The following HOMER2 variants were observed in gnomAD, a reference collection of about 807,000 sequenced individuals.
HOMER2 encodes the protein homer protein homolog 2.
Under a neutral mutation model 47.0 loss-of-function variants are expected in HOMER2, and 27 were observed. The observed-to-expected ratio is 0.57, with a 90% confidence interval of 0.42 to 0.79. HOMER2 has a LOEUF of 0.79. HOMER2 is among the 30% of genes least tolerant of loss of function. The pLI is 0.00. For synonymous variants in HOMER2, 161 were observed against 163.8 expected (o/e 0.98, Z 0.13); for missense variants, 443 against 435.0 (o/e 1.02, Z -0.16).
downstream of HOMER2, chr15:82,846,612 G>C (rs2051252229): frequency 6.7e-6 from 1 of 148,530 alleles, no homozygotes; most frequent in African/African-American, 2.4e-5. Context: ...GTGACCCTGG[G>C]CGTGTCACTT....
At chr15:82,847,878 C>T (rs1385806307), downstream of HOMER2, among the ~76,000 whole-genome samples, 1 of 152,178 alleles carries the variant, frequency 6.6e-6, no homozygotes, top group African/African-American at 2.4e-5. Flanking sequence ...CTCTGGTCTC[C>T]TGGTGCAGCC....
chr15:82,910,132 CAAAAAA>C (rs35191408), intron 1 of HOMER2, among the ~76,000 whole-genome samples: 1,898 of 21,964 alleles, frequency 0.086, 38 homozygotes, highest in African/African-American at 0.21. Context: ...GATTCTGTCT[CAAAAAA>C]AAAAAAAAAA....
chr15:82,916,859 T>C (rs1267950596), intron 1 of HOMER2, among the ~76,000 whole-genome samples: 1 of 150,822 alleles, frequency 6.6e-6, no homozygotes, highest in Non-Finnish European at 1.5e-5. Flanking sequence ...TGGAGTGCAA[T>C]GGCGCGATCT....
intron 3 of HOMER2, among the ~76,000 whole-genome samples, chr15:82,868,537 A>ATATATATATATATATATG (rs1408672217): frequency 4.9e-5 from 3 of 60,860 alleles, no homozygotes; most frequent in Non-Finnish European, 1.0e-4. Flanking sequence ...ATATATATAT[A>ATATATATATATATATATG]TATATTTTTT....
chr15:82,921,252 C>T (rs1024694090), intron 1 of HOMER2, among the ~76,000 whole-genome samples: 1 of 152,172 alleles, frequency 6.6e-6, no homozygotes, highest in African/African-American at 2.4e-5. Context: ...CGCACCACTG[C>T]ACTCCAGCCT....
chr15:82,890,379 C>T (rs544854307), intron 2 of HOMER2, among the ~76,000 whole-genome samples: 37 of 152,082 alleles, frequency 2.4e-4, no homozygotes, highest in Non-Finnish European at 4.6e-4. Context: ...GGTGGCTGGG[C>T]ACCATAGAAA....
At chr15:82,945,621 TA>T (rs2054358502) in intron 1 of HOMER2, among the ~76,000 whole-genome samples, 1 of 151,826 alleles carries the variant, frequency 6.6e-6, no homozygotes, top group African/African-American at 2.4e-5. Context: ...AGTTTTTTTA[TA>T]ATTAGAAAAA....
intron 1 of HOMER2, among the ~76,000 whole-genome samples, chr15:82,938,522 C>T (rs1391299495): frequency 1.3e-5 from 2 of 152,150 alleles, no homozygotes; most frequent in Non-Finnish European, 2.9e-5. Flanking sequence ...CTGCCTCCAA[C>T]CTTACTGCCT....
At chr15:82,904,182 T>C (rs1355907572) in intron 1 of HOMER2, among the ~76,000 whole-genome samples, 2 of 151,952 alleles carry the variant, frequency 1.3e-5, no homozygotes, top group East Asian at 3.9e-4. Context: ...TCTTCTCCGC[T>C]CTGTCACAGA....
chr15:82,935,067 G>A (rs1162064971), intron 1 of HOMER2, among the ~76,000 whole-genome samples: 1 of 151,894 alleles, frequency 6.6e-6, no homozygotes, highest in African/African-American at 2.4e-5. Context: ...CTCAAGGCCT[G>A]GGCTCCTCTG....
At position 82,874,420 on chromosome 15, in the gene HOMER2, G is replaced by A. The variant is rs540485261; in HGVS notation, c.294+853C>T. ...AAGGGCTCTTCTACCACCCTAAAAG[G>A]AAATGTAGTCTCTAAAACAGGCTCT... On this transcript the variant is annotated intron_variant, in intron 3 of 8. Transcript: ENST00000450735. Among the ~76,000 whole-genome samples, 3 of 152,284 alleles carry A rather than the reference G, an allele frequency of 2.0e-5. No homozygotes were observed. In the East Asian group the frequency reaches 5.8e-4, roughly 29 times the overall value.
At chr15:82,933,144 A>G (rs2054057587) in intron 1 of HOMER2, among the ~76,000 whole-genome samples, 1 of 151,664 alleles carries the variant, frequency 6.6e-6, no homozygotes, top group Admixed American at 6.6e-5. Context: ...AAAAAAAACT[A>G]TGGACACCCT....
At chr15:82,955,589 A>G (rs1490836918), upstream of HOMER2, among the ~76,000 whole-genome samples, 1 of 152,116 alleles carries the variant, frequency 6.6e-6, no homozygotes, top group Non-Finnish European at 1.5e-5. Flanking sequence ...TTTTCTAACC[A>G]TAAAAGGTCA....
chr15:82,900,924 T>C (rs2053093722), intron 1 of HOMER2, among the ~76,000 whole-genome samples: 1 of 152,228 alleles, frequency 6.6e-6, no homozygotes, highest in African/African-American at 2.4e-5. Context: ...CCTAGTCCTC[T>C]GACTAGGAAT....
In HOMER2 at chr15:82,880,457, C is replaced by A. The variant is rs577908248; in HGVS notation, c.163-5053G>T. On this transcript the variant is annotated intron_variant, in intron 2 of 8. Coordinates refer to ENST00000450735, the MANE Select transcript of HOMER2 (RefSeq NM_004839.4). ...TAGGGAAAGGCCCATTGAAGGACTT[C>A]TGAGGTATTAATGAAAGACGTACTT... 1.1e-4 allele frequency among the ~76,000 whole-genome samples: 17 copies of A among 152,190 alleles called. No homozygotes were observed. In the South Asian group the frequency reaches 3.5e-3, roughly 32 times the overall value.
downstream of HOMER2, chr15:82,836,142 C>T (rs1033429573): frequency 1.3e-5 from 2 of 152,292 alleles, no homozygotes; most frequent in Non-Finnish European, 2.9e-5. Flanking sequence ...TTCCTTTCCT[C>T]CTCTGGAACC....
chr15:82,852,607 T>C (rs1029891747), intron 6 of HOMER2: 2 of 219,166 alleles, frequency 9.1e-6, no homozygotes, highest in Admixed American at 5.5e-5. Context: ...AAGGGCCAAG[T>C]GTCCCCTGAA....
downstream of HOMER2, chr15:82,846,669 C>G (rs1188555023): frequency 6.6e-6 from 1 of 152,162 alleles, no homozygotes; most frequent in Non-Finnish European, 1.5e-5. Context: ...ACAGTCTCTG[C>G]CCTGTTCTCT....
chr15:82,858,731 A>C (rs1255551834), intron 5 of HOMER2, among the ~76,000 whole-genome samples: 1 of 151,954 alleles, frequency 6.6e-6, no homozygotes, highest in African/African-American at 2.4e-5. Context: ...ACACACTCTG[A>C]CACTACCACA....
Sources: gnomAD v4.1 joint callset for allele counts (sites outside exome capture counted in the v4.1 genomes callset) on GRCh38, gnomAD v4.1.1 for gene constraint, MANE v1.5 for transcripts, NCBI Gene and HGNC (gene_info 2026-07-23, HGNC 2026-07-21) for gene names.